The following CAPRIN2 variants were observed in gnomAD, a reference collection of about 807,000 sequenced individuals.
The protein encoded by CAPRIN2 is caprin family member 2.
In CAPRIN2, 66 loss-of-function variants were observed where a neutral mutation model predicts 130.4. The observed-to-expected ratio is 0.51, with a 90% CI of 0.42 to 0.62. The LOEUF is 0.62. Among genes scored for constraint, CAPRIN2 ranks in the 20% least tolerant of loss-of-function variants. CAPRIN2 has a pLI of 0.00. For missense variants in CAPRIN2, 1,185 were observed against 1,246.6 expected, an observed-to-expected ratio of 0.95 and a Z score of 0.74; for synonymous variants, 471 against 444.1, an observed-to-expected ratio of 1.06 and a Z score of -0.76.
chr12:30,730,090 A>C, intron 7 of CAPRIN2, 149 bp downstream of exon 8: 2 of 625,636 alleles, frequency 3.2e-6, no homozygotes, highest in Non-Finnish European at 5.8e-6. Flanking sequence ...CAGCTGGACC[A>C]GATTTCTTGC....
intron 3 of CAPRIN2, 110 bp from the exon 5 acceptor site, chr12:30,735,316 AT>A: frequency 1.2e-6 from 1 of 823,088 alleles, no homozygotes; most frequent in South Asian, 1.6e-5. Context: ...GATAAATCTC[AT>A]GACTGTCAAA....
chr12:30,718,914 T>G (rs2058501320), intron 12 of CAPRIN2, among the ~76,000 whole-genome samples, 165 bp downstream of exon 14: 1 of 152,246 alleles, frequency 6.6e-6, no homozygotes, highest in South Asian at 2.1e-4. Flanking sequence ...TTTCCTATTC[T>G]TCTGCCACAA....
chr12:30,717,581 A>G (rs541572357), intron 12 of CAPRIN2, among the ~76,000 whole-genome samples: 2 of 151,994 alleles, frequency 1.3e-5, no homozygotes, highest in South Asian at 4.1e-4. Flanking sequence ...TCTGTTACAT[A>G]CATTTTACCA....
intron 4 of CAPRIN2, among the ~76,000 whole-genome samples, chr12:30,734,092 T>C (rs1304440726): frequency 6.6e-6 from 1 of 152,206 alleles, no homozygotes; most frequent in East Asian, 1.9e-4. Context: ...ATTTAACAAA[T>C]TATGTTTTGC....
intron 9 of CAPRIN2, among the ~76,000 whole-genome samples, chr12:30,724,927 G>A (rs953374356): frequency 3.3e-5 from 5 of 152,152 alleles, no homozygotes; most frequent in Non-Finnish European, 5.9e-5. Context: ...CCAGGAATTC[G>A]AGGCTGCAGT....
intron 2 of CAPRIN2, among the ~76,000 whole-genome samples, chr12:30,748,873 A>G (rs773025446): frequency 1.3e-5 from 2 of 152,248 alleles, no homozygotes; most frequent in Non-Finnish European, 2.9e-5. Flanking sequence ...CTAGGAATAC[A>G]GCAATGAACA....
At chr12:30,735,081 T>C in exon 4 of CAPRIN2, 2 of 1,614,184 alleles carry the variant, frequency 1.2e-6, no homozygotes, top group Non-Finnish European at 1.7e-6. Context: ...AGTCTTTTTG[T>C]ACGTGCTCCT....
exon 12 of CAPRIN2, chr12:30,720,854 G>A (rs2059201478): frequency 1.2e-6 from 2 of 1,613,616 alleles, no homozygotes; most frequent in African/African-American, 2.7e-5. Flanking sequence ...AGATCCAGAA[G>A]AAGCCTGATC....
rs771471072 is a variant in CAPRIN2 at position 30,709,912 on chromosome 12, TAAAG to T, written c.3220_3223del (p.Leu1074IlefsTer17). ...ATACTGTACTGACTTTCAATCTTGATAAAGAAGATAGCCTGAAAACGTAGAATAT... is the reference window on the plus strand; with the variant it reads ...ATACTGTACTGACTTTCAATCTTGATAAGATAGCCTGAAAACGTAGAATAT... On this transcript the variant is annotated frameshift_variant, in exon 17 of 17. Coordinates refer to ENST00000298892, the Ensembl canonical transcript of CAPRIN2. LOFTEE classifies it high-confidence loss of function. The T allele has an allele frequency of 6.8e-6, 11 of 1,605,982 alleles. No individual in the cohort carries two copies. Among genetic ancestry groups the T allele is most frequent in the Non-Finnish European group, 9.4e-6 (11 of 1,173,884 alleles).
intron 13 of CAPRIN2, chr12:30,716,302 T>C (rs2057533462): frequency 4.0e-6 from 2 of 494,296 alleles, no homozygotes; most frequent in South Asian, 2.6e-5. Context: ...ATCTAAGTTC[T>C]ATCTCTACAA....
At chr12:30,725,472 AT>A (rs1187424005) in intron 9 of CAPRIN2, among the ~76,000 whole-genome samples, 1 of 152,242 alleles carries the variant, frequency 6.6e-6, no homozygotes, top group African/African-American at 2.4e-5. Context: ...ATCTCATACC[AT>A]TCTCAAATTC....
exon 17 of CAPRIN2, chr12:30,709,714 C>T (rs1266354119): frequency 7.0e-6 from 4 of 573,440 alleles, no homozygotes; most frequent in Non-Finnish European, 1.2e-5. Flanking sequence ...TATAAAGTGC[C>T]AGATTAGTGC....
chr12:30,732,103 A>G (rs1317038985), intron 5 of CAPRIN2, among the ~76,000 whole-genome samples: 1 of 152,004 alleles, frequency 6.6e-6, no homozygotes, highest in Non-Finnish European at 1.5e-5. Context: ...ACTCTGAAGT[A>G]TTTTTCAACT....
chr12:30,711,796 A>T, intron 15 of CAPRIN2, 167 bp from the exon 18 acceptor site: 1 of 703,964 alleles, frequency 1.4e-6, no homozygotes, highest in South Asian at 1.5e-5. Context: ...AGAAAAACAA[A>T]GCAAGGGCAA....
intron 2 of CAPRIN2, among the ~76,000 whole-genome samples, chr12:30,749,416 A>G (rs540819854): frequency 1.6e-3 from 249 of 152,342 alleles, no homozygotes; most frequent in African/African-American, 5.5e-3. Context: ...CGTTGAACAG[A>G]CTTGGAGAGG....
chr12:30,729,619 C>T (rs186279379), intron 7 of CAPRIN2, among the ~76,000 whole-genome samples: 21 of 152,282 alleles, frequency 1.4e-4, no homozygotes, highest in African/African-American at 4.1e-4. Flanking sequence ...ATTCTTCTAC[C>T]AAGGCTGTTC....
At chr12:30,744,311 T>A (rs924055191) in intron 2 of CAPRIN2, among the ~76,000 whole-genome samples, 4 of 152,172 alleles carry the variant, frequency 2.6e-5, no homozygotes, top group Admixed American at 1.3e-4. Context: ...GCAAAGTGAT[T>A]TTTTTAACTA....
chr12:30,747,874 G>A (rs1378133136), intron 2 of CAPRIN2, among the ~76,000 whole-genome samples: 1 of 152,156 alleles, frequency 6.6e-6, no homozygotes, highest in African/African-American at 2.4e-5. Flanking sequence ...GGGAAAAGCT[G>A]ACTCTAACAC....
chr12:30,713,849 T>A (rs769030647), exon 15 of CAPRIN2: 1 of 1,609,284 alleles, frequency 6.2e-7, no homozygotes. Flanking sequence ...ATAATTTCCA[T>A]TGGAAATTGA....
Sources: gnomAD v4.1 joint callset for allele counts (sites outside exome capture counted in the v4.1 genomes callset) on GRCh38, gnomAD v4.1.1 for gene constraint, MANE v1.5 for transcripts, NCBI Gene and HGNC (gene_info 2026-07-23, HGNC 2026-07-21) for gene names.